The following CA5A variants were observed in gnomAD, a reference collection of about 807,000 sequenced individuals.
CA5A encodes carbonic anhydrase 5A.
CA5A carries 28 observed loss-of-function variants against 37.1 expected under a neutral mutation model. The ratio of observed to expected loss-of-function variants is 0.75; its 90% CI spans 0.56 to 1.03. The LOEUF is 1.03. Among genes scored for constraint, CA5A ranks in the 50% least tolerant of loss-of-function variants. The pLI is 0.00. For synonymous variants in CA5A, 171 were observed against 158.4 expected (o/e 1.08, Z -0.60); for missense variants, 444 against 399.9 (o/e 1.11, Z -0.94).
intron 2 of CA5A, among the ~76,000 whole-genome samples, chr16:87,914,100 C>A (rs2056094052): frequency 6.6e-6 from 1 of 152,248 alleles, no homozygotes; most frequent in South Asian, 2.1e-4. Flanking sequence ...CATCACCTGG[C>A]ACAGTCAGTG....
At chr16:87,909,175 C>A (rs1345301837) in intron 2 of CA5A, among the ~76,000 whole-genome samples, 3 of 151,972 alleles carry the variant, frequency 2.0e-5, no homozygotes, top group Non-Finnish European at 4.4e-5. Context: ...GGGCCGGATC[C>A]CCCGCCTCTC....
chr16:87,922,174 A>C (rs1360557551), intron 2 of CA5A, among the ~76,000 whole-genome samples: 1 of 152,176 alleles, frequency 6.6e-6, no homozygotes, highest in African/African-American at 2.4e-5. Context: ...ATGTTGGTGC[A>C]CACTGGTGTG....
chr16:87,932,191 C>A (rs985401819), intron 1 of CA5A, among the ~76,000 whole-genome samples: 1 of 152,016 alleles, frequency 6.6e-6, no homozygotes, highest in Non-Finnish European at 1.5e-5. Context: ...TGCACTCTAC[C>A]CCCCCTCCCA....
At chr16:87,930,304 G>A (rs906525884) in intron 1 of CA5A, among the ~76,000 whole-genome samples, 1 of 152,170 alleles carries the variant, frequency 6.6e-6, no homozygotes, top group Non-Finnish European at 1.5e-5. Flanking sequence ...CCGGGGGCTG[G>A]AGTCACTTTT....
intron 2 of CA5A, among the ~76,000 whole-genome samples, chr16:87,917,757 A>G (rs1193817575): frequency 1.0e-5 from 1 of 97,548 alleles, no homozygotes; most frequent in Non-Finnish European, 1.8e-5. Context: ...ACACATGTAT[A>G]CACAGTGCAC....
At chr16:87,923,595 G>C in intron 2 of CA5A, 1 of 985,446 alleles carries the variant, frequency 1.0e-6, no homozygotes, top group Non-Finnish European at 1.2e-6. Context: ...TCTTGGTGAG[G>C]ACATTAGCCG....
chr16:87,923,743 G>A (rs1013801415), intron 2 of CA5A: 16 of 984,850 alleles, frequency 1.6e-5, no homozygotes, highest in Admixed American at 6.1e-5. Flanking sequence ...TTACGACTTA[G>A]AGGAAACAAA....
At chr16:87,917,015 G>T (rs936179414) in intron 2 of CA5A, among the ~76,000 whole-genome samples, 1 of 150,558 alleles carries the variant, frequency 6.6e-6, no homozygotes, top group Non-Finnish European at 1.5e-5. Context: ...TGAGGCAGGA[G>T]AATGGTGTGA....
chr16:87,897,878 G>A (rs1419135067), intron 5 of CA5A, among the ~76,000 whole-genome samples: 2 of 152,200 alleles, frequency 1.3e-5, no homozygotes, highest in African/African-American at 2.4e-5. Context: ...GAGGGCTGTC[G>A]CTTCTTTGAA....
At chr16:87,914,429 C>G (rs1347160461) in intron 2 of CA5A, among the ~76,000 whole-genome samples, 1 of 152,206 alleles carries the variant, frequency 6.6e-6, no homozygotes, top group African/African-American at 2.4e-5. Flanking sequence ...AGCCACGCGG[C>G]GGGTGCAGAT....
intron 5 of CA5A, among the ~76,000 whole-genome samples, chr16:87,900,963 C>T (rs1019772102): frequency 6.6e-6 from 1 of 152,256 alleles, no homozygotes; most frequent in African/African-American, 2.4e-5. Flanking sequence ...CGGTGATTCA[C>T]GCCTGTAATC....
intron 3 of CA5A, among the ~76,000 whole-genome samples, chr16:87,902,855 T>C (rs2055900177): frequency 6.7e-6 from 1 of 149,250 alleles, no homozygotes; most frequent in Non-Finnish European, 1.5e-5. Context: ...GAGCTTGCAG[T>C]GAGCTGAGAT....
chr16:87,917,846 C>T (rs2056176419), intron 2 of CA5A, among the ~76,000 whole-genome samples: 1 of 147,952 alleles, frequency 6.8e-6, no homozygotes, highest in South Asian at 2.3e-4. Flanking sequence ...CACACGTGCA[C>T]ACACATGTAG....
intron 5 of CA5A, among the ~76,000 whole-genome samples, chr16:87,899,723 C>A (rs1162642983): frequency 4.0e-5 from 6 of 150,024 alleles, no homozygotes; most frequent in African/African-American, 1.5e-4. Context: ...AGTTTGACAC[C>A]AGCCTGGCCA....
intron 5 of CA5A, among the ~76,000 whole-genome samples, chr16:87,892,510 A>AAATAATAATAATAAT (rs371000298): frequency 2.2e-5 from 3 of 135,310 alleles, no homozygotes; most frequent in Non-Finnish European, 3.1e-5. Flanking sequence ...ACTCTGTCTC[A>AAATAATAATAATAAT]AATAATAATA....
At position 87,909,124 on chromosome 16, in the gene CA5A, C is replaced by T. The variant is rs8054580; in HGVS notation, c.341-4220G>A. Among the ~76,000 whole-genome samples, 930 of 152,078 alleles carry T rather than the reference C, an allele frequency of 6.1e-3. 12 individuals are homozygous for T. Among genetic ancestry groups the T allele is most frequent in the African/African-American group, 0.021 (879 of 41,452 alleles). ...GGGATTACAGACGTGAGCCACTGTG[C>T]CCAGCCTCTCACAGAATTCTTTACT... On this transcript the variant is annotated intron_variant, in intron 2 of 6. Coordinates refer to ENST00000649794, the MANE Select transcript of CA5A (RefSeq NM_001739.2).
rs571853619 is a variant in CA5A, at chr16:87,924,212, G to C, written c.340+2536C>G. ...TTGCACTTTGCTTACGTTGGCTGGA[G>C]TTGGGGTTACTGCTGCTGGCACTCA... On this transcript the variant is annotated intron_variant, in intron 2 of 6. Transcript: ENST00000649794. 8.1e-6 allele frequency: 8 copies of C among 985,476 alleles called. No individual in the cohort carries two copies. The South Asian group carries it at 2.8e-4, about 35-fold the overall frequency. 61.0% of individuals were successfully genotyped at this position (985,476 alleles called of 1,614,324 possible).
intron 3 of CA5A, among the ~76,000 whole-genome samples, chr16:87,903,917 G>T (rs956894155): frequency 4.6e-5 from 7 of 152,016 alleles, no homozygotes; most frequent in African/African-American, 1.7e-4. Flanking sequence ...ATTTCATAAT[G>T]AAATATTTGG....
intron 5 of CA5A, 130 bp from the exon 6 acceptor site, chr16:87,892,084 A>T (rs2055725066): frequency 1.4e-6 from 1 of 740,398 alleles, no homozygotes; most frequent in South Asian, 2.2e-5. Flanking sequence ...CCATGAGGCC[A>T]CTGCTGTCAC....
Sources: gnomAD v4.1 joint callset for allele counts (sites outside exome capture counted in the v4.1 genomes callset) on GRCh38, gnomAD v4.1.1 for gene constraint, MANE v1.5 for transcripts, NCBI Gene and HGNC (gene_info 2026-07-23, HGNC 2026-07-21) for gene names.